The following RFX8 variants were observed in gnomAD, a reference collection of about 807,000 sequenced individuals.
The protein encoded by RFX8 is regulatory factor X8.
RFX8 carries 46 observed loss-of-function variants against 54.6 expected under a neutral mutation model. That is an observed-to-expected ratio of 0.84 (90% CI 0.67 to 1.08). The LOEUF (loss-of-function observed/expected upper bound fraction) is 1.08. RFX8 is among the 50% of genes least tolerant of loss of function. The pLI is 0.00. For missense variants in RFX8, 536 were observed against 562.3 expected, an observed-to-expected ratio of 0.95 and a Z score of 0.47; for synonymous variants, 192 against 209.5, an observed-to-expected ratio of 0.92 and a Z score of 0.72.
intron 8 of RFX8, among the ~76,000 whole-genome samples, chr2:101,411,548 G>A (rs1312682414): frequency 6.6e-6 from 1 of 152,150 alleles, no homozygotes; most frequent in Non-Finnish European, 1.5e-5. Context: ...ATCCAGCTGG[G>A]GGCAAGAGGA....
intron 2 of RFX8, among the ~76,000 whole-genome samples, chr2:101,449,553 C>T (rs1050372377): frequency 6.6e-6 from 1 of 152,056 alleles, no homozygotes; most frequent in African/African-American, 2.4e-5. Flanking sequence ...CTGTTGGTAT[C>T]AAGATTGAAC....
intron 2 of RFX8, among the ~76,000 whole-genome samples, chr2:101,439,798 C>T (rs1313616883): frequency 6.6e-6 from 1 of 151,798 alleles, no homozygotes; most frequent in East Asian, 1.9e-4. Context: ...CTGCAACCTC[C>T]ACCTCCTGGG....
At position 101,397,514 on chromosome 2, in the gene RFX8, T is replaced by C; in HGVS notation, c.*34A>G. ...TAATATTTTTAAGAATGCAAGTCTATCAGTTTTCTTATTCTCTATTCAAAT... is the reference window on the plus strand; with the variant it reads ...TAATATTTTTAAGAATGCAAGTCTACCAGTTTTCTTATTCTCTATTCAAAT... On this transcript the variant is annotated 3_prime_UTR_variant, in exon 12 of 12. Transcript: ENST00000428343. 2 of 1,379,258 alleles carry C rather than the reference T, an allele frequency of 1.5e-6. No individual in the cohort carries two copies. The highest frequency in any genetic ancestry group is 2.0e-6 in the Non-Finnish European group (2 of 1,019,122). 85.4% of individuals were successfully genotyped at this position (1,379,258 alleles called of 1,614,324 possible).
chr2:101,430,666 G>A (rs1487939004), intron 2 of RFX8, among the ~76,000 whole-genome samples: 3 of 152,228 alleles, frequency 2.0e-5, no homozygotes, highest in African/African-American at 7.2e-5. Flanking sequence ...CCACCCAGTC[G>A]GTGGTATTTT....
chr2:101,412,007 C>G (rs1686161754), intron 8 of RFX8, among the ~76,000 whole-genome samples: 1 of 152,140 alleles, frequency 6.6e-6, no homozygotes, highest in Non-Finnish European at 1.5e-5. Flanking sequence ...GAATAAGACA[C>G]AGTTGATAGC....
rs575057660 is a variant in RFX8, at chr2:101,421,337, G to A, written c.237+387C>T. 17 of 992,710 alleles carry A rather than the reference G, an allele frequency of 1.7e-5. No individual in the cohort carries two copies. The East Asian group carries it at 7.6e-4, about 44-fold the overall frequency. The allele number at this position is 992,710 out of a possible 1,614,324, so 61.5% of individuals were successfully genotyped here. Reference sequence around the variant, plus strand: ...TACCCATGCCAGATCACTCAGCTGCGAAGTCCTGCTCCATCTTCAGTTAGC... The same window carrying A: ...TACCCATGCCAGATCACTCAGCTGCAAAGTCCTGCTCCATCTTCAGTTAGC... On this transcript the variant is annotated intron_variant, in intron 4 of 11. Transcript: ENST00000428343.
At chr2:101,471,668 G>A (rs2149002776) in intron 1 of RFX8, among the ~76,000 whole-genome samples, 1 of 152,272 alleles carries the variant, frequency 6.6e-6, no homozygotes, top group South Asian at 2.1e-4. Context: ...GCTCCCCAGA[G>A]CTTTAACCCC....
Position 101,406,058 on chromosome 2 carries a change from C to A in RFX8, c.814-1G>T. On this transcript the variant is annotated splice_acceptor_variant, in intron 9 of 11. Coordinates refer to ENST00000428343, the MANE Select transcript of RFX8 (RefSeq NM_001145664.2). LOFTEE classifies it high-confidence loss of function. ...TAAACTCTTCTTTGCTTCTGCTTGT[C>A]TGTTAAGTTTTTGTGAGAAAAAAGG... The A allele has an allele frequency of 6.5e-7, 1 of 1,528,806 alleles. No individual in the cohort carries two copies. The highest frequency in any genetic ancestry group is 8.8e-7 in the Non-Finnish European group (1 of 1,134,116). The allele number at this position is 1,528,806 out of a possible 1,614,324, so 94.7% of individuals were successfully genotyped here.
chr2:101,412,915 A>C lies in RFX8; in HGVS notation c.718T>G (p.Cys240Gly), dbSNP rs1044262268. 4 of 1,547,958 alleles carry C rather than the reference A, an allele frequency of 2.6e-6. No homozygotes were observed. Among genetic ancestry groups the C allele is most frequent in the Non-Finnish European group, 3.5e-6 (4 of 1,145,524 alleles). Residue 240 changes from cysteine to glycine, a missense_variant and splice_region_variant, in exon 8 of 12, where the codon TGT becomes GGT. Physicochemically the swap from Cys to Gly is radical, Grantham distance 159. Coordinates refer to ENST00000428343, the MANE Select transcript of RFX8 (RefSeq NM_001145664.2). ...AAGCAAGCTGCAGAAGGAAGATTAC[A>C]TTTCATCTCTGGGTTGTTCTCCAGT... is the stretch of plus-strand genomic sequence containing the variant. ...DELENNPEMK[C>G]LRNLISLLGT...
intron 2 of RFX8, among the ~76,000 whole-genome samples, chr2:101,429,223 C>T (rs1253405718): frequency 6.6e-6 from 1 of 152,180 alleles, no homozygotes; most frequent in Non-Finnish European, 1.5e-5. Flanking sequence ...GACAACCACG[C>T]ATTTATTTTT....
chr2:101,435,787 T>C (rs1478382106), intron 2 of RFX8, among the ~76,000 whole-genome samples: 4 of 152,102 alleles, frequency 2.6e-5, no homozygotes, highest in East Asian at 3.9e-4. Context: ...TGTGAGGTGG[T>C]CTTGTTCATA....
At chr2:101,417,316 C>T (rs1029320038) in intron 6 of RFX8, among the ~76,000 whole-genome samples, 7 of 152,150 alleles carry the variant, frequency 4.6e-5, no homozygotes, top group Non-Finnish European at 7.4e-5. Context: ...GTGATCTTCC[C>T]GCCTCAGCCT....
At chr2:101,405,805 G>A (rs1445112404) in intron 10 of RFX8, 138 bp downstream of exon 10, 1 of 495,258 alleles carries the variant, frequency 2.0e-6, no homozygotes, top group Non-Finnish European at 3.5e-6. Flanking sequence ...TGTATGGTTT[G>A]CTGTATCTAT....
intron 11 of RFX8, among the ~76,000 whole-genome samples, chr2:101,401,689 T>C (rs1046398384): frequency 2.6e-5 from 4 of 152,206 alleles, no homozygotes; most frequent in African/African-American, 4.8e-5. Flanking sequence ...AGTCCAGCTC[T>C]GCTTCATGGT....
rs1371095567 is a variant in RFX8 at position 101,421,793 on chromosome 2, A to G, written c.184-16T>C. Reference sequence around the variant, plus strand: ...GGAAGGCCATCTAGGAAGAATATGGAAAATTATTTCAGCATGTGGGCCTTT... The same window carrying G: ...GGAAGGCCATCTAGGAAGAATATGGGAAATTATTTCAGCATGTGGGCCTTT... On this transcript the variant is annotated splice_polypyrimidine_tract_variant and intron_variant, in intron 3 of 11. Transcript: ENST00000428343. The G allele has an allele frequency of 6.5e-7, 1 of 1,541,160 alleles. No homozygotes were observed. The highest frequency in any genetic ancestry group is 1.4e-5 in the African/African-American group (1 of 72,836).
intron 2 of RFX8, among the ~76,000 whole-genome samples, chr2:101,423,062 A>T (rs2104587486): frequency 6.6e-6 from 1 of 152,272 alleles, no homozygotes; most frequent in East Asian, 1.9e-4. Flanking sequence ...GTTCAAGACC[A>T]GCCTAGCCAA....
At chr2:101,447,174 C>T (rs1056894346) in intron 2 of RFX8, among the ~76,000 whole-genome samples, 3 of 152,202 alleles carry the variant, frequency 2.0e-5, no homozygotes, top group African/African-American at 7.2e-5. Flanking sequence ...TCTAAGAGGT[C>T]TCTCAGACCT....
chr2:101,436,772 A>G (rs1344542996), intron 2 of RFX8, among the ~76,000 whole-genome samples: 1 of 151,960 alleles, frequency 6.6e-6, no homozygotes. Context: ...GGGACTGACC[A>G]CCTCCAGGGG....
intron 2 of RFX8, among the ~76,000 whole-genome samples, chr2:101,440,015 C>G (rs1321239321): frequency 1.3e-5 from 2 of 151,988 alleles, no homozygotes; most frequent in Non-Finnish European, 1.5e-5. Flanking sequence ...CCATTTTATT[C>G]CTTTTCATCA....
Sources: allele counts gnomAD v4.1 joint callset (sites outside exome capture counted in the v4.1 genomes callset), GRCh38; gene constraint gnomAD v4.1.1; transcripts MANE v1.5; gene names NCBI Gene and HGNC (gene_info 2026-07-23, HGNC 2026-07-21).